EML4: variants seen among roughly 807,000 people sequenced by gnomAD.
EML4 encodes the protein EMAP like 4, also known as echinoderm microtubule-associated protein-like 4.
Under a neutral mutation model 129.0 loss-of-function variants are expected in EML4, and 72 were observed. That is an observed-to-expected ratio of 0.56 (90% CI 0.46 to 0.68). The LOEUF (loss-of-function observed/expected upper bound fraction) is 0.68, where lower values mean the gene tolerates loss of function less well. EML4 is among the 30% of genes least tolerant of loss of function. The probability of loss-of-function intolerance (pLI) is 0.00; values close to 1 mark genes in which losing one functional copy is unlikely to be tolerated. For synonymous variants in EML4, 532 were observed against 405.0 expected (o/e 1.31, Z -3.77); for missense variants, 1,363 against 1,190.6 (o/e 1.14, Z -2.13).
intron 1 of EML4, among the ~76,000 whole-genome samples, chr2:42,190,029 A>T (rs1241295189): frequency 6.6e-6 from 1 of 152,050 alleles, no homozygotes; most frequent in Non-Finnish European, 1.5e-5. Flanking sequence ...GTGTTTTACA[A>T]CCAGAAGAGG....
At chr2:42,309,767 T>G (rs576771484) in intron 17 of EML4, among the ~76,000 whole-genome samples, 3 of 151,014 alleles carry the variant, frequency 2.0e-5, no homozygotes, top group African/African-American at 7.3e-5. Context: ...GAGTTTTTTA[T>G]ATATTCTGGA....
chr2:42,232,326 T>C lies in EML4; in HGVS notation c.26-13179T>C, dbSNP rs1674399590. ...TGTTATATGCTAATTAGAAAGCACT[T>C]TGTTACAGAACTTTTTGGCAGCCCT... On this transcript the variant is annotated intron_variant, in intron 1 of 22. Coordinates refer to ENST00000318522, the MANE Select transcript of EML4 (RefSeq NM_019063.5). Among the ~76,000 whole-genome samples, 11 of 152,220 alleles carry C rather than the reference T, an allele frequency of 7.2e-5. No individual in the cohort carries two copies. The South Asian group carries it at 2.3e-3, about 32-fold the overall frequency.
At chr2:42,298,568 C>A (rs1014500594) in intron 13 of EML4, among the ~76,000 whole-genome samples, 1 of 151,996 alleles carries the variant, frequency 6.6e-6, no homozygotes, top group Non-Finnish European at 1.5e-5. Flanking sequence ...AAATTAGAAA[C>A]ACTAAATTTT....
rs1307434656 is a variant in EML4 at position 42,301,233 on chromosome 2, C to T, written c.1490-8C>T. ...ATCACTAGTGTTTTTATTTTTCCCT[C>T]ATATTAGGTGTATATCAAATCAGCA... is the stretch of plus-strand genomic sequence containing the variant. On this transcript the variant is annotated splice_polypyrimidine_tract_variant and splice_region_variant and intron_variant, in intron 13 of 22. Transcript: ENST00000318522. The T allele has an allele frequency of 2.5e-6, 4 of 1,601,398 alleles. No homozygotes were observed. The highest frequency in any genetic ancestry group is 3.4e-6 in the Non-Finnish European group (4 of 1,175,368).
At position 42,295,233 on chromosome 2, in the gene EML4, C is replaced by T; in HGVS notation, c.1327C>T (p.Leu443=). The change falls in exon 12 of 23, where the codon CTA becomes TTA. Residue 443 remains leucine, a synonymous_variant. Transcript: ENST00000318522. ...CTTCTGGACCTGGAGCGGCAATTCACTAACAAGAAAACAGGGAATTTTTGG... is the reference window on the plus strand; with the variant it reads ...CTTCTGGACCTGGAGCGGCAATTCATTAACAAGAAAACAGGGAATTTTTGG... ...IFFWTWSGNS[L]TRKQGIFGKY... is the part of the protein sequence containing the mutation. The T allele has an allele frequency of 8.7e-6, 14 of 1,613,636 alleles. No homozygotes were observed. Among genetic ancestry groups the T allele is most frequent in the Non-Finnish European group, 1.2e-5 (14 of 1,179,888 alleles).
At chr2:42,238,783 T>C (rs554332721) in intron 1 of EML4, among the ~76,000 whole-genome samples, 2 of 152,038 alleles carry the variant, frequency 1.3e-5, no homozygotes, top group East Asian at 3.9e-4. Flanking sequence ...TTTTAAAAAA[T>C]TGTTATTTAT....
chr2:42,208,449 T>C (rs571867046), intron 1 of EML4, among the ~76,000 whole-genome samples: 8 of 151,324 alleles, frequency 5.3e-5, no homozygotes, highest in East Asian at 1.9e-4. Flanking sequence ...CTTTTCTTTT[T>C]TTTTTTTGAG....
chr2:42,194,335 TTCTC>T (rs1175257729), intron 1 of EML4, among the ~76,000 whole-genome samples: 5 of 126,228 alleles, frequency 4.0e-5, no homozygotes, highest in East Asian at 2.9e-4. Context: ...TATTTTTCAC[TTCTC>T]TCTCTCTCTT....
chr2:42,185,401 T>A (rs1671190575), intron 1 of EML4, among the ~76,000 whole-genome samples: 1 of 152,184 alleles, frequency 6.6e-6, no homozygotes, highest in African/African-American at 2.4e-5. Flanking sequence ...CGTAGAGTAG[T>A]AGTAACAGAG....
At chr2:42,254,564 C>T (rs1006542554) in intron 2 of EML4, among the ~76,000 whole-genome samples, 1 of 147,796 alleles carries the variant, frequency 6.8e-6, no homozygotes, top group Non-Finnish European at 1.5e-5. Context: ...AATAGAAAAA[C>T]AATAGAATCA....
At chr2:42,169,910 C>T (rs1039192000) in intron 1 of EML4, 2 of 382,762 alleles carry the variant, frequency 5.2e-6, no homozygotes, top group African/African-American at 2.1e-5. Flanking sequence ...CCCCTTCCTT[C>T]TCAGGCCCCC....
intron 1 of EML4, among the ~76,000 whole-genome samples, chr2:42,179,152 A>G (rs1478465803): frequency 1.3e-5 from 2 of 152,206 alleles, no homozygotes; most frequent in Admixed American, 6.5e-5. Context: ...AGAAAAGAGC[A>G]CATCAGTTAC....
intron 1 of EML4, among the ~76,000 whole-genome samples, chr2:42,189,646 T>C (rs1456785465): frequency 6.6e-6 from 1 of 152,196 alleles, no homozygotes; most frequent in African/African-American, 2.4e-5. Flanking sequence ...TCTTAGGAAT[T>C]AGAACAGACA....
rs571695786 is a variant in EML4, at chr2:42,223,989, C to T, written c.26-21516C>T. Among the ~76,000 whole-genome samples, 20 of 152,066 alleles carry T rather than the reference C, an allele frequency of 1.3e-4. No homozygotes were observed. In the South Asian group the frequency reaches 2.1e-3, roughly 16 times the overall value. On this transcript the variant is annotated intron_variant, in intron 1 of 22. Transcript: ENST00000318522. ...ATTTATACCTTCTGAGGGAATTTAC[C>T]GTTTAAATTATGAAAGTTTTTCTTG...
chr2:42,232,414 T>C (rs915624943), intron 1 of EML4, among the ~76,000 whole-genome samples: 1 of 152,224 alleles, frequency 6.6e-6, no homozygotes, highest in Non-Finnish European at 1.5e-5. Context: ...AAGAAGAGTA[T>C]AGTTGACACC....
chr2:42,259,722 C>CT lies in EML4; in HGVS notation c.339-1374dup, dbSNP rs780243101. On this transcript the variant is annotated intron_variant, in intron 3 of 22. Coordinates refer to ENST00000318522, the MANE Select transcript of EML4 (RefSeq NM_019063.5). Reference sequence around the variant, plus strand: ...TTTCTATGATTTTGTTTCTTTCTTTCTTTTTTTTTTTTTTTTTTTTTTTTT... The same window carrying CT: ...TTTCTATGATTTTGTTTCTTTCTTTCTTTTTTTTTTTTTTTTTTTTTTTTTT... Among the ~76,000 whole-genome samples the CT allele has an allele frequency of 9.7e-3, 956 of 98,278 alleles. 20 individuals are homozygous for CT. Among genetic ancestry groups the CT allele is most frequent in the Non-Finnish European group, 0.011 (589 of 52,134 alleles). The allele number at this position is 98,278 out of a possible 152,430, so 64.5% of individuals were successfully genotyped here. A position where few individuals can be genotyped will look rare whatever the true frequency, so the allele number is the denominator to read the frequency against.
intron 1 of EML4, among the ~76,000 whole-genome samples, chr2:42,174,394 G>C (rs1440232748): frequency 6.6e-6 from 1 of 151,838 alleles, no homozygotes. Context: ...GGGTTCAAGC[G>C]ATTCTCCTGC....
At chr2:42,203,237 AAACTT>A (rs1672342557) in intron 1 of EML4, among the ~76,000 whole-genome samples, 1 of 152,202 alleles carries the variant, frequency 6.6e-6, no homozygotes, top group Admixed American at 6.5e-5. Context: ...AGTTAAAAGA[AAACTT>A]AACCTAACAT....
rs569312275 is a variant in EML4 at position 42,331,857 on chromosome 2, T to A, written c.*1650T>A. The A allele has an allele frequency of 1.4e-5, 3 of 218,728 alleles. No homozygotes were observed. Among genetic ancestry groups the A allele is most frequent in the African/African-American group, 6.7e-5 (3 of 44,500 alleles). The allele number at this position is 218,728 out of a possible 1,614,324, so 13.5% of individuals were successfully genotyped here. On this transcript the variant is annotated 3_prime_UTR_variant, in exon 23 of 23. Transcript: ENST00000318522. Reference sequence around the variant, plus strand: ...GTGTGTATCTCTAGATAAGAAGATATGCACCACGTTGAAAATACTCAGTGT... The same window carrying A: ...GTGTGTATCTCTAGATAAGAAGATAAGCACCACGTTGAAAATACTCAGTGT...
Sources: gnomAD v4.1 joint callset for allele counts (sites outside exome capture counted in the v4.1 genomes callset) on GRCh38, gnomAD v4.1.1 for gene constraint, MANE v1.5 for transcripts, NCBI Gene and HGNC (gene_info 2026-07-23, HGNC 2026-07-21) for gene names.